PKP4: variants seen among roughly 807,000 people sequenced by gnomAD.
PKP4 encodes the protein plakophilin-4.
In PKP4, 90 loss-of-function variants were observed where a neutral mutation model predicts 145.1. The observed-to-expected ratio is 0.62, with a 90% confidence interval of 0.52 to 0.74. The LOEUF (loss-of-function observed/expected upper bound fraction) is 0.74. Ranked by LOEUF, PKP4 falls within the 30% of genes least tolerant of loss-of-function variation. The pLI, the probability that PKP4 is intolerant of heterozygous loss-of-function variation, is 0.00. For synonymous variants in PKP4, 563 were observed against 577.2 expected, an observed-to-expected ratio of 0.98 and a Z score of 0.35; for missense variants, 1,340 against 1,482.7, an observed-to-expected ratio of 0.90 and a Z score of 1.58.
chr2:158,647,823 G>T (rs886277693), intron 11 of PKP4, among the ~76,000 whole-genome samples: 1 of 152,148 alleles, frequency 6.6e-6, no homozygotes, highest in African/African-American at 2.4e-5. Flanking sequence ...ATGAAGTATG[G>T]TTGTTCCCCA....
At chr2:158,511,965 G>A (rs1110507) in intron 1 of PKP4, among the ~76,000 whole-genome samples, 132,875 of 152,138 alleles carry the variant, frequency 0.87, 58,324 homozygotes, top group Middle Eastern at 0.93. Flanking sequence ...TATGGCATGA[G>A]TCATAACTCA....
At chr2:158,595,652 C>T (rs2049662376) in intron 3 of PKP4, among the ~76,000 whole-genome samples, 1 of 152,140 alleles carries the variant, frequency 6.6e-6, no homozygotes, top group Non-Finnish European at 1.5e-5. Flanking sequence ...TATGTTGTAT[C>T]TCCTGATCAT....
At chr2:158,658,082 A>G (rs762312215) in intron 11 of PKP4, 49 bp from the exon 12 acceptor site, 3 of 1,061,058 alleles carry the variant, frequency 2.8e-6, no homozygotes. Context: ...TTTTATTTCT[A>G]AAGCCACAGG....
chr2:158,572,308 A>G (rs990624016), intron 2 of PKP4, among the ~76,000 whole-genome samples: 1 of 152,232 alleles, frequency 6.6e-6, no homozygotes, highest in African/African-American at 2.4e-5. Context: ...TATACTGTAG[A>G]TTCGGTATTC....
At chr2:158,461,872 C>T (rs1398205520) in intron 1 of PKP4, among the ~76,000 whole-genome samples, 1 of 152,180 alleles carries the variant, frequency 6.6e-6, no homozygotes, top group Admixed American at 6.5e-5. Context: ...GTGAGCTTGG[C>T]AAGGCAGAGG....
chr2:158,553,130 C>G (rs573051053), intron 2 of PKP4, among the ~76,000 whole-genome samples: 1 of 152,290 alleles, frequency 6.6e-6, no homozygotes, highest in Admixed American at 6.5e-5. Flanking sequence ...TTTCTTCTTG[C>G]TGCTAATAAC....
At chr2:158,509,471 T>C (rs2041302124) in intron 1 of PKP4, among the ~76,000 whole-genome samples, 1 of 152,240 alleles carries the variant, frequency 6.6e-6, no homozygotes, top group South Asian at 2.1e-4. Flanking sequence ...CTTGCTCATT[T>C]AATCTGAACA....
chr2:158,649,274 G>T (rs1006361533), intron 11 of PKP4, among the ~76,000 whole-genome samples: 1 of 152,066 alleles, frequency 6.6e-6, no homozygotes, highest in Non-Finnish European at 1.5e-5. Flanking sequence ...TGATGTCCAG[G>T]CTGGAGGTGT....
At chr2:158,627,469 G>A (rs966578032) in intron 7 of PKP4, among the ~76,000 whole-genome samples, 2 of 151,994 alleles carry the variant, frequency 1.3e-5, no homozygotes, top group African/African-American at 4.8e-5. Context: ...TATATATAAT[G>A]TCTATTTTTT....
intron 1 of PKP4, among the ~76,000 whole-genome samples, chr2:158,528,910 C>A (rs1400651150): frequency 6.6e-6 from 1 of 152,154 alleles, no homozygotes; most frequent in Admixed American, 6.5e-5. Context: ...CAGTGTTATA[C>A]AGTAGACAAC....
intron 1 of PKP4, among the ~76,000 whole-genome samples, chr2:158,530,504 C>CTTTT (rs869120223): frequency 0.017 from 1,607 of 91,966 alleles, 8 homozygotes; most frequent in Middle Eastern, 0.028. Flanking sequence ...CTCTTTCTTT[C>CTTTT]TTTTTTTTTT....
intron 2 of PKP4, among the ~76,000 whole-genome samples, chr2:158,566,074 A>G (rs1261078130): frequency 6.6e-6 from 1 of 152,210 alleles, no homozygotes; most frequent in Non-Finnish European, 1.5e-5. Context: ...TCTGCGGACA[A>G]TTGTAAAAGT....
At chr2:158,525,984 A>G (rs2042892516) in intron 1 of PKP4, among the ~76,000 whole-genome samples, 1 of 151,338 alleles carries the variant, frequency 6.6e-6, no homozygotes, top group Non-Finnish European at 1.5e-5. Context: ...AAATTGTGGC[A>G]ATAATCAATA....
At chr2:158,505,155 G>A (rs551067187) in intron 1 of PKP4, among the ~76,000 whole-genome samples, 6 of 152,310 alleles carry the variant, frequency 3.9e-5, no homozygotes, top group African/African-American at 1.2e-4. Flanking sequence ...ATTTTGAGTG[G>A]CTTAAGGCAC....
intron 19 of PKP4, among the ~76,000 whole-genome samples, chr2:158,675,195 G>A (rs2057897839): frequency 6.6e-6 from 1 of 152,168 alleles, no homozygotes; most frequent in African/African-American, 2.4e-5. Flanking sequence ...ACAAGCAAAG[G>A]ATAATTTTAG....
chr2:158,523,178 G>A (rs1415727732), intron 1 of PKP4, among the ~76,000 whole-genome samples: 2 of 149,930 alleles, frequency 1.3e-5, no homozygotes, highest in Non-Finnish European at 3.0e-5. Context: ...TCTGGGGGCA[G>A]GGCACAGACA....
intron 6 of PKP4, 122 bp from the exon 7 acceptor site, chr2:158,624,756 A>C: frequency 1.5e-6 from 1 of 682,938 alleles, no homozygotes; most frequent in Admixed American, 3.0e-5. Context: ...AAGGAAAAGA[A>C]TCTTAGATGC....
intron 4 of PKP4, among the ~76,000 whole-genome samples, chr2:158,608,036 T>A (rs1226387356): frequency 2.0e-5 from 3 of 152,180 alleles, no homozygotes; most frequent in Non-Finnish European, 4.4e-5. Flanking sequence ...AATTGTACAT[T>A]TCAAAATAAC....
intron 2 of PKP4, among the ~76,000 whole-genome samples, chr2:158,535,643 C>T (rs910474462): frequency 1.3e-5 from 2 of 152,110 alleles, no homozygotes; most frequent in South Asian, 2.1e-4. Flanking sequence ...TGGTCTTGAA[C>T]TCCTGGCCGC....
Sources: allele counts gnomAD v4.1 joint callset (sites outside exome capture counted in the v4.1 genomes callset), GRCh38; gene constraint gnomAD v4.1.1; transcripts MANE v1.5; gene names NCBI Gene and HGNC (gene_info 2026-07-23, HGNC 2026-07-21).